SLC24A2: variants seen among roughly 807,000 people sequenced by gnomAD.
SLC24A2 encodes the protein solute carrier family 24 member 2, also known as sodium/potassium/calcium exchanger 2.
SLC24A2 carries 36 observed loss-of-function variants against 62.0 expected under a neutral mutation model. That is an observed-to-expected ratio of 0.58 (90% CI 0.44 to 0.77). SLC24A2 has a LOEUF of 0.77. SLC24A2 is among the 30% of genes least tolerant of loss of function. SLC24A2 has a pLI of 0.00. For missense variants in SLC24A2, 846 were observed against 817.9 expected, an observed-to-expected ratio of 1.03 and a Z score of -0.42; for synonymous variants, 358 against 294.0, an observed-to-expected ratio of 1.22 and a Z score of -2.23.
the SLC24A2 span, among the ~76,000 whole-genome samples, chr9:20,107,085 C>T: frequency 2.0e-5 from 3 of 152,098 alleles, no homozygotes; most frequent in East Asian, 1.9e-4. Context: ...GAGTGAATTC[C>T]CATTCACAAT....
the SLC24A2 span, among the ~76,000 whole-genome samples, chr9:19,883,147 C>T: frequency 6.6e-6 from 1 of 152,184 alleles, no homozygotes; most frequent in South Asian, 2.1e-4. Context: ...TTGTCTACTG[C>T]CTTAAGAACT....
intron 2 of SLC24A2, among the ~76,000 whole-genome samples, chr9:19,728,968 T>C (rs1038247778): frequency 6.6e-6 from 1 of 152,298 alleles, no homozygotes; most frequent in Middle Eastern, 3.4e-3. Context: ...CACAGGAGCC[T>C]GAGGTAGGCC....
the SLC24A2 span, among the ~76,000 whole-genome samples, chr9:19,847,312 GA>G: frequency 5.3e-5 from 8 of 151,992 alleles, no homozygotes; most frequent in East Asian, 1.9e-4. Flanking sequence ...TTTATGTTGG[GA>G]AAAAATTTAT....
the SLC24A2 span, among the ~76,000 whole-genome samples, chr9:20,116,117 A>G: frequency 6.6e-5 from 10 of 152,178 alleles, no homozygotes; most frequent in East Asian, 1.9e-3. Flanking sequence ...AAAAAGTAAG[A>G]TATGTGCCAT....
chr9:20,210,399 GAC>G, the SLC24A2 span, among the ~76,000 whole-genome samples: 4 of 152,112 alleles, frequency 2.6e-5, no homozygotes, highest in Non-Finnish European at 5.9e-5. Flanking sequence ...AGTGACAAAA[GAC>G]AAACATTTGG....
chr9:19,735,802 G>C (rs1319145062), intron 2 of SLC24A2, among the ~76,000 whole-genome samples: 1 of 144,510 alleles, frequency 6.9e-6, no homozygotes, highest in Non-Finnish European at 1.5e-5. Flanking sequence ...GGTGGGAATT[G>C]AACAATGAGA....
the SLC24A2 span, among the ~76,000 whole-genome samples, chr9:19,797,450 C>T: frequency 2.0e-5 from 3 of 152,130 alleles, no homozygotes; most frequent in Non-Finnish European, 4.4e-5. Context: ...TTAATAATTA[C>T]GAATCAGGCA....
chr9:20,072,183 C>A, the SLC24A2 span, among the ~76,000 whole-genome samples: 78 of 152,198 alleles, frequency 5.1e-4, no homozygotes, highest in African/African-American at 1.8e-3. Context: ...ATAATGGTGT[C>A]AAAATGTGAT....
At chr9:19,979,969 C>T in the SLC24A2 span, among the ~76,000 whole-genome samples, 1 of 152,182 alleles carries the variant, frequency 6.6e-6, no homozygotes, top group Admixed American at 6.5e-5. Flanking sequence ...GCAAAGGACA[C>T]AGAAATAGAG....
At chr9:19,829,765 A>ATATGTG in the SLC24A2 span, among the ~76,000 whole-genome samples, 2 of 56,866 alleles carry the variant, frequency 3.5e-5, no homozygotes, top group African/African-American at 8.0e-5. Flanking sequence ...TTATATATAT[A>ATATGTG]TGTGTGTGTG....
At chr9:20,142,209 T>A in the SLC24A2 span, among the ~76,000 whole-genome samples, 5 of 152,206 alleles carry the variant, frequency 3.3e-5, no homozygotes, top group Non-Finnish European at 7.3e-5. Context: ...CGAAGAGTTC[T>A]GCAGGAAAGA....
intron 6 of SLC24A2, 62 bp downstream of exon 6, chr9:19,576,862 G>T: frequency 7.8e-7 from 1 of 1,274,654 alleles, no homozygotes; most frequent in Non-Finnish European, 1.1e-6. Context: ...CACTGGTCCT[G>T]ACTCTCTGCT....
At chr9:19,727,060 G>A (rs572826758) in intron 2 of SLC24A2, among the ~76,000 whole-genome samples, 6 of 152,220 alleles carry the variant, frequency 3.9e-5, no homozygotes, top group South Asian at 2.1e-4. Flanking sequence ...CTGAAACTTC[G>A]TCATGATTAA....
At chr9:20,212,183 G>A in the SLC24A2 span, among the ~76,000 whole-genome samples, 2 of 151,608 alleles carry the variant, frequency 1.3e-5, no homozygotes, top group African/African-American at 4.9e-5. Context: ...ATTAATATCA[G>A]TAAAAAGGAA....
the SLC24A2 span, among the ~76,000 whole-genome samples, chr9:19,848,059 T>C: frequency 6.6e-6 from 1 of 152,252 alleles, no homozygotes; most frequent in Non-Finnish European, 1.5e-5. Flanking sequence ...AATTCTTGTA[T>C]GATATCAGAC....
chr9:20,172,714 C>T, the SLC24A2 span, among the ~76,000 whole-genome samples: 5 of 151,852 alleles, frequency 3.3e-5, no homozygotes, highest in African/African-American at 1.2e-4. Flanking sequence ...AAAAAAATTA[C>T]CAGCAAAAAA....
chr9:20,273,163 CA>C, the SLC24A2 span, among the ~76,000 whole-genome samples: 14 of 152,156 alleles, frequency 9.2e-5, no homozygotes, highest in Non-Finnish European at 1.5e-4. Context: ...ACACTGCCCC[CA>C]AAATATGGCT....
chr9:19,571,882 G>A (rs748469000), intron 7 of SLC24A2, among the ~76,000 whole-genome samples: 2 of 151,792 alleles, frequency 1.3e-5, no homozygotes, highest in African/African-American at 4.8e-5. Context: ...ACAGTTGGAC[G>A]GTCCTGAGAT....
chr9:19,574,520 A>G (rs1835949489), intron 6 of SLC24A2, among the ~76,000 whole-genome samples: 1 of 152,190 alleles, frequency 6.6e-6, no homozygotes, highest in Admixed American at 6.6e-5. Context: ...TGATGGTAAC[A>G]ATACTACTAC....
Sources: gnomAD v4.1 joint callset for allele counts (sites outside exome capture counted in the v4.1 genomes callset) on GRCh38, gnomAD v4.1.1 for gene constraint, MANE v1.5 for transcripts, NCBI Gene and HGNC (gene_info 2026-07-23, HGNC 2026-07-21) for gene names.